The following MCC variants were observed in gnomAD, a reference collection of about 807,000 sequenced individuals.
The protein encoded by MCC is colorectal mutant cancer protein.
In MCC, 90 loss-of-function variants were observed where a neutral mutation model predicts 116.2. The observed-to-expected ratio is 0.77, with a 90% confidence interval of 0.65 to 0.92. The LOEUF is 0.92. Ranked by LOEUF, MCC falls within the 40% of genes least tolerant of loss-of-function variation. The probability of loss-of-function intolerance (pLI) is 0.00; values close to 1 mark genes in which losing one functional copy is unlikely to be tolerated. For synonymous variants in MCC, 578 were observed against 510.5 expected (o/e 1.13, Z -1.78); for missense variants, 1,516 against 1,312.2 (o/e 1.16, Z -2.40).
In MCC at chr5:113,416,859, A is replaced by G. The variant is rs188156921; in HGVS notation, c.171-31647T>C. 2.0e-3 allele frequency among the ~76,000 whole-genome samples: 311 copies of G among 152,308 alleles called. 1 individual carries two copies. Among genetic ancestry groups the G allele is most frequent in the African/African-American group, 7.1e-3 (297 of 41,564 alleles). ...TTAAAATAAATCGTCAAATATAATG[A>G]CAATTATTTTTGTCAACAATTTGCA... On this transcript the variant is annotated intron_variant, in intron 1 of 18. Coordinates refer to ENST00000408903, the MANE Select transcript of MCC (RefSeq NM_001085377.2).
chr5:113,068,163 T>C lies in MCC; in HGVS notation c.1946A>G (p.Tyr649Cys). 6.2e-7 allele frequency: 1 copy of C among 1,614,130 alleles called. No individual in the cohort carries two copies. The highest frequency in any genetic ancestry group is 8.5e-7 in the Non-Finnish European group (1 of 1,179,994). The change falls in exon 13 of 19, where the codon TAC becomes TGC. Residue 649 changes from tyrosine to cysteine, a missense_variant. Coordinates refer to ENST00000408903, the MANE Select transcript of MCC (RefSeq NM_001085377.2). ...LQYSEQCIEA[Y>C]ELLLALAESE... ...CTCTGCCAGCGCCAGGAGGAGTTCG[T>C]AGGCTTCGATGCACTGCTCGCTGAA...
intron 1 of MCC, among the ~76,000 whole-genome samples, chr5:113,398,897 A>T (rs1378934344): frequency 6.6e-6 from 1 of 152,214 alleles, no homozygotes; most frequent in Admixed American, 6.5e-5. Flanking sequence ...AACCCTGGGA[A>T]TTAGTATTTG....
chr5:113,466,284 C>T (rs1175911814), intron 1 of MCC, among the ~76,000 whole-genome samples: 1 of 151,518 alleles, frequency 6.6e-6, no homozygotes, highest in African/African-American at 2.4e-5. Flanking sequence ...CTGCACCCAC[C>T]AACTCGTCAT....
intron 3 of MCC, among the ~76,000 whole-genome samples, chr5:113,281,904 C>T (rs920005476): frequency 1.3e-5 from 2 of 152,142 alleles, no homozygotes; most frequent in East Asian, 3.8e-4. Context: ...AGCAAGTAGG[C>T]CCTATAGTAG....
chr5:113,147,944 T>C (rs1420163835), intron 4 of MCC, among the ~76,000 whole-genome samples: 1 of 152,192 alleles, frequency 6.6e-6, no homozygotes, highest in Non-Finnish European at 1.5e-5. Flanking sequence ...TGCCAAGAGG[T>C]AGAAAATTCA....
At chr5:113,034,096 A>C (rs1228370045) in intron 17 of MCC, among the ~76,000 whole-genome samples, 2 of 134,982 alleles carry the variant, frequency 1.5e-5, no homozygotes, top group African/African-American at 2.7e-5. Flanking sequence ...ATAGGGTCTT[A>C]ACTATGTTGC....
chr5:113,355,300 A>T (rs544513923), intron 2 of MCC, among the ~76,000 whole-genome samples: 86 of 152,286 alleles, frequency 5.6e-4, no homozygotes, highest in South Asian at 3.9e-3. Context: ...CCTTCTTTCA[A>T]CATTATTTCT....
intron 1 of MCC, among the ~76,000 whole-genome samples, chr5:113,446,623 G>C (rs943434775): frequency 6.6e-6 from 1 of 152,066 alleles, no homozygotes; most frequent in South Asian, 2.1e-4. Flanking sequence ...GTAGAGAAAA[G>C]GGGATGCTAA....
intron 3 of MCC, among the ~76,000 whole-genome samples, chr5:113,176,118 G>A (rs1761318583): frequency 6.6e-6 from 1 of 152,148 alleles, no homozygotes; most frequent in African/African-American, 2.4e-5. Flanking sequence ...CTACTTCCCA[G>A]CAAGGCATTT....
Position 113,043,623 on chromosome 5 carries a change from G to C in MCC, c.2663C>G (p.Ala888Gly). The C allele has an allele frequency of 6.2e-7, 1 of 1,612,216 alleles. No individual in the cohort carries two copies. Among genetic ancestry groups the C allele is most frequent in the Middle Eastern group, 1.7e-4 (1 of 6,054 alleles). Residue 888 changes from alanine to glycine, a missense_variant, in exon 17 of 19, where the codon GCT becomes GGT. Ala to Gly is a moderately conservative substitution (Grantham distance 60). Transcript: ENST00000408903. ...GGACAGAGCTGGGGAGGCAGCATCA[G>C]CACACTCCTGACAACAGCAAACACA... ...GSKDKPGKEC[A>G]DAASPALSLA...
intron 3 of MCC, among the ~76,000 whole-genome samples, chr5:113,293,235 C>T (rs1766577683): frequency 1.3e-5 from 2 of 151,332 alleles, no homozygotes; most frequent in Admixed American, 1.3e-4. Context: ...CCAGGTGTTC[C>T]CTCACACACA....
chr5:113,223,949 T>C (rs1178943379), intron 3 of MCC, among the ~76,000 whole-genome samples: 1 of 152,186 alleles, frequency 6.6e-6, no homozygotes, highest in African/African-American at 2.4e-5. Context: ...ACCTTCCCCA[T>C]GTGAATCACA....
rs554283163 is a variant in MCC at position 113,022,971 on chromosome 5, C to T, written c.*4331G>A. ...TTAAGCAAAAATGTATGGTGATCTG[C>T]ATGTGAAACTGTCTTTCTCTACACA... On this transcript the variant is annotated 3_prime_UTR_variant, in exon 19 of 19. Transcript: ENST00000408903. 6.6e-6 allele frequency: 1 copy of T among 152,272 alleles called. No homozygotes were observed. Among genetic ancestry groups the T allele is most frequent in the East Asian group, 1.9e-4 (1 of 5,184 alleles). The allele number at this position is 152,272 out of a possible 1,614,324, so 9.4% of individuals were successfully genotyped here.
intron 3 of MCC, among the ~76,000 whole-genome samples, chr5:113,159,973 T>C (rs757982818): frequency 1.3e-5 from 2 of 152,230 alleles, no homozygotes; most frequent in Non-Finnish European, 2.9e-5. Flanking sequence ...ATCTTTCCTT[T>C]TACCTGATAA....
In MCC at chr5:113,298,902, C is replaced by T. The variant is rs1766779496; in HGVS notation, c.627+41617G>A. Among the ~76,000 whole-genome samples the T allele has an allele frequency of 2.6e-5, 4 of 152,066 alleles. No homozygotes were observed. In the South Asian group the frequency reaches 8.3e-4, roughly 32 times the overall value. On this transcript the variant is annotated intron_variant, in intron 3 of 18. Coordinates refer to ENST00000408903, the MANE Select transcript of MCC (RefSeq NM_001085377.2). ...TCAAGGAAAGTTAGACAGAGAAATG[C>T]CTGTCAATGCAAGGGAATAAGCAGT...
At chr5:113,083,986 T>A in intron 10 of MCC, 115 bp downstream of exon 10, 1 of 769,000 alleles carries the variant, frequency 1.3e-6, no homozygotes, top group Non-Finnish European at 2.2e-6. Context: ...TGATTTACTA[T>A]TATAACTAAC....
At chr5:113,067,228 G>C (rs1204091686) in intron 13 of MCC, among the ~76,000 whole-genome samples, 1 of 152,186 alleles carries the variant, frequency 6.6e-6, no homozygotes, top group Non-Finnish European at 1.5e-5. Context: ...CCGGGCTGGG[G>C]GAAGGACAGG....
intron 1 of MCC, among the ~76,000 whole-genome samples, chr5:113,465,892 G>C (rs1364826980): frequency 6.6e-6 from 1 of 152,086 alleles, no homozygotes; most frequent in African/African-American, 2.4e-5. Context: ...CACTCTTATA[G>C]ACTGCTGATG....
intron 3 of MCC, among the ~76,000 whole-genome samples, chr5:113,178,946 A>G (rs939090205): frequency 3.3e-5 from 5 of 152,152 alleles, no homozygotes; most frequent in Admixed American, 3.3e-4. Flanking sequence ...ACATACTCTA[A>G]GAAGCCAGGT....
Sources: gnomAD v4.1 joint callset for allele counts (sites outside exome capture counted in the v4.1 genomes callset) on GRCh38, gnomAD v4.1.1 for gene constraint, MANE v1.5 for transcripts, NCBI Gene and HGNC (gene_info 2026-07-23, HGNC 2026-07-21) for gene names.